The following ADGRB3 variants were observed in gnomAD, a reference collection of about 807,000 sequenced individuals.
ADGRB3 encodes the protein adhesion G protein-coupled receptor B3.
A neutral mutation model predicts 193.4 loss-of-function variants in ADGRB3; 37 were observed. The ratio of observed to expected loss-of-function variants is 0.19; its 90% confidence interval spans 0.15 to 0.25. The LOEUF (loss-of-function observed/expected upper bound fraction) is 0.25. Among genes scored for constraint, ADGRB3 ranks in the 10% least tolerant of loss-of-function variants. ADGRB3 has a pLI of 1.00. For missense variants in ADGRB3, 1,637 were observed against 1,852.9 expected (o/e 0.88, Z 2.14); for synonymous variants, 690 against 644.2 (o/e 1.07, Z -1.08).
chr6:69,106,168 A>AAAAAAAAT, intron 17 of ADGRB3, among the ~76,000 whole-genome samples: 1 of 146,590 alleles, frequency 6.8e-6, no homozygotes, highest in African/African-American at 2.5e-5. Context: ...CTGCGTTAAA[A>AAAAAAAAT]AAAAAAAAAA....
chr6:68,815,121 T>C (rs1767603761), intron 3 of ADGRB3, among the ~76,000 whole-genome samples: 1 of 152,110 alleles, frequency 6.6e-6, no homozygotes, highest in Non-Finnish European at 1.5e-5. Context: ...CAACATCGTG[T>C]TGGGAGTTCT....
intron 3 of ADGRB3, among the ~76,000 whole-genome samples, chr6:68,790,795 C>T (rs1767090568): frequency 6.6e-6 from 1 of 152,064 alleles, no homozygotes; most frequent in Admixed American, 6.5e-5. Context: ...TGTACGTCAC[C>T]ATCATCAAAG....
At chr6:69,035,945 A>G (rs140743547) in intron 13 of ADGRB3, among the ~76,000 whole-genome samples, 5 of 152,296 alleles carry the variant, frequency 3.3e-5, no homozygotes, top group African/African-American at 1.2e-4. Context: ...TTTGATGAAG[A>G]GTGGGTGGAA....
At chr6:68,883,558 G>T (rs1440741841) in intron 3 of ADGRB3, among the ~76,000 whole-genome samples, 1 of 152,160 alleles carries the variant, frequency 6.6e-6, no homozygotes, top group Non-Finnish European at 1.5e-5. Flanking sequence ...CTTGAGGTCA[G>T]CGAGACCACG....
intron 20 of ADGRB3, among the ~76,000 whole-genome samples, chr6:69,243,796 C>A (rs1766432211): frequency 6.6e-6 from 1 of 151,934 alleles, no homozygotes; most frequent in Admixed American, 6.6e-5. Context: ...AGCCAACTGA[C>A]CAACTAGTCT....
At chr6:69,040,080 A>T (rs762772881) in intron 13 of ADGRB3, among the ~76,000 whole-genome samples, 1 of 152,088 alleles carries the variant, frequency 6.6e-6, no homozygotes, top group African/African-American at 2.4e-5. Flanking sequence ...ATATATGAGG[A>T]TCAATAATGA....
At chr6:68,941,719 T>C (rs1400243686) in intron 5 of ADGRB3, among the ~76,000 whole-genome samples, 2 of 151,904 alleles carry the variant, frequency 1.3e-5, no homozygotes, top group Non-Finnish European at 2.9e-5. Context: ...AAGGTTGTTT[T>C]AGGAGAAATA....
Position 69,099,214 on chromosome 6 carries a change from G to A in ADGRB3, c.2480+23176G>A, listed in dbSNP as rs1366458656. Among the ~76,000 whole-genome samples, 5 of 152,296 alleles carry A rather than the reference G, an allele frequency of 3.3e-5. No individual in the cohort carries two copies. The South Asian group carries it at 1.0e-3, about 32-fold the overall frequency. On this transcript the variant is annotated intron_variant, in intron 17 of 31. Transcript: ENST00000370598. ...TGTGGTCCAATTCCCCCACAGCAAAGAATTATCTAGTTCAAAATGTCAATA... is the reference window on the plus strand; with the variant it reads ...TGTGGTCCAATTCCCCCACAGCAAAAAATTATCTAGTTCAAAATGTCAATA...
chr6:69,253,890 A>C (rs1402300171), intron 20 of ADGRB3, among the ~76,000 whole-genome samples: 2 of 152,114 alleles, frequency 1.3e-5, no homozygotes, highest in East Asian at 3.8e-4. Context: ...TCAAAAACTC[A>C]TGAGCCATTT....
intron 13 of ADGRB3, among the ~76,000 whole-genome samples, chr6:69,025,320 C>T (rs1242162873): frequency 6.6e-6 from 1 of 151,932 alleles, no homozygotes; most frequent in East Asian, 1.9e-4. Context: ...GGTAGAATAT[C>T]TTGTTCTTTA....
intron 11 of ADGRB3, among the ~76,000 whole-genome samples, chr6:69,000,370 G>C (rs1357779628): frequency 1.3e-5 from 2 of 152,106 alleles, no homozygotes; most frequent in South Asian, 2.1e-4. Context: ...AAATGACTTT[G>C]TTTTATGTGC....
chr6:68,676,118 C>G (rs1006965076), intron 3 of ADGRB3, among the ~76,000 whole-genome samples: 5 of 152,036 alleles, frequency 3.3e-5, no homozygotes, highest in Non-Finnish European at 5.9e-5. Context: ...TGAGGCCTGG[C>G]GTGGTGGCTC....
chr6:68,746,759 T>A (rs981667157), intron 3 of ADGRB3, among the ~76,000 whole-genome samples: 1 of 152,208 alleles, frequency 6.6e-6, no homozygotes, highest in African/African-American at 2.4e-5. Flanking sequence ...TTTTGGAGTC[T>A]CTAATCCTTT....
intron 3 of ADGRB3, among the ~76,000 whole-genome samples, chr6:68,842,060 G>A (rs1009359300): frequency 6.6e-6 from 1 of 151,944 alleles, no homozygotes; most frequent in African/African-American, 2.4e-5. Flanking sequence ...GCTTGAGGAA[G>A]TGGATACCCT....
At chr6:68,735,230 G>T (rs1459185216) in intron 3 of ADGRB3, among the ~76,000 whole-genome samples, 1 of 151,904 alleles carries the variant, frequency 6.6e-6, no homozygotes, top group Non-Finnish European at 1.5e-5. Context: ...ATTCCAGAAT[G>T]AAGGTTACTT....
intron 13 of ADGRB3, among the ~76,000 whole-genome samples, chr6:69,036,871 G>A (rs970540960): frequency 5.9e-5 from 9 of 152,102 alleles, no homozygotes; most frequent in African/African-American, 9.7e-5. Context: ...TTCTAGGAGC[G>A]CTGGCCAGCC....
intron 3 of ADGRB3, among the ~76,000 whole-genome samples, chr6:68,666,263 T>A (rs1768797820): frequency 6.6e-6 from 1 of 151,934 alleles, no homozygotes. Context: ...TCTCTGCCAC[T>A]CAGAATTAGC....
chr6:69,085,303 A>G (rs1772514800), intron 17 of ADGRB3, among the ~76,000 whole-genome samples: 2 of 152,268 alleles, frequency 1.3e-5, no homozygotes, highest in African/African-American at 4.8e-5. Flanking sequence ...ATTTCTCACC[A>G]ATTTAGACTG....
At chr6:69,181,530 G>A (rs1212671804) in intron 17 of ADGRB3, among the ~76,000 whole-genome samples, 1 of 152,048 alleles carries the variant, frequency 6.6e-6, no homozygotes, top group Non-Finnish European at 1.5e-5. Flanking sequence ...TTACCTAGAA[G>A]CTAAATTATC....
Sources: allele counts gnomAD v4.1 joint callset (sites outside exome capture counted in the v4.1 genomes callset), GRCh38; gene constraint gnomAD v4.1.1; transcripts MANE v1.5; gene names NCBI Gene and HGNC (gene_info 2026-07-23, HGNC 2026-07-21).